Variants in ATP2B4 observed in about 807,000 individuals in gnomAD.
ATP2B4 encodes the protein ATPase plasma membrane Ca2+ transporting 4.
Under a neutral mutation model 110.3 loss-of-function variants are expected in ATP2B4, and 39 were observed. The observed-to-expected ratio is 0.35, with a 90% CI of 0.27 to 0.46. ATP2B4 has a LOEUF of 0.46. Ranked by LOEUF, ATP2B4 falls within the 20% of genes least tolerant of loss-of-function variation. The pLI is 1.00. For synonymous variants in ATP2B4, 538 were observed against 571.7 expected (o/e 0.94, Z 0.84); for missense variants, 1,135 against 1,530.9 (o/e 0.74, Z 4.32).
At chr1:203,635,467 A>G (rs1663410573) in intron 1 of ATP2B4, among the ~76,000 whole-genome samples, 1 of 152,018 alleles carries the variant, frequency 6.6e-6, no homozygotes, top group South Asian at 2.1e-4. Context: ...GTTTTTTTGT[A>G]GAGATGGATG....
intron 1 of ATP2B4, among the ~76,000 whole-genome samples, chr1:203,655,987 C>T (rs1664149815): frequency 6.6e-6 from 1 of 151,976 alleles, no homozygotes; most frequent in South Asian, 2.1e-4. Context: ...TCACTGCAAC[C>T]TTCGCCTCCT....
Position 203,700,828 on chromosome 1 carries a change from T to C in ATP2B4, c.806T>C (p.Met269Thr). The C allele has an allele frequency of 1.9e-6, 3 of 1,613,586 alleles. No individual in the cohort carries two copies. The highest frequency in any genetic ancestry group is 2.5e-6 in the Non-Finnish European group (3 of 1,179,746). The change falls in exon 6 of 21, where the codon ATG (methionine) becomes ACG (threonine). Residue 269 changes from methionine (M) to threonine (T), a missense_variant. By Grantham distance (81) the Met-to-Thr change is moderately conservative. This residue lies in a region of ATP2B4 where 162 missense variants were observed against 210.5 expected (regional missense o/e 0.77). Transcript: ENST00000357681. Reference protein sequence around the residue: ...GTHVMEGSGRMVVTAVGVNSQ... With the variant: ...GTHVMEGSGRTVVTAVGVNSQ... ...CATGTCATGGAAGGTTCTGGCCGGA[T>C]GGTGGTGACAGCTGTTGGTGTCAAC...
At chr1:203,679,749 G>T (rs1468398394) in intron 1 of ATP2B4, among the ~76,000 whole-genome samples, 1 of 152,154 alleles carries the variant, frequency 6.6e-6, no homozygotes, top group African/African-American at 2.4e-5. Context: ...GGGCATGGTG[G>T]CATGCGACTG....
At chr1:203,630,367 CTCTTTTT>C (rs1426980270) in intron 1 of ATP2B4, among the ~76,000 whole-genome samples, 3 of 9,414 alleles carry the variant, frequency 3.2e-4, no homozygotes, top group Admixed American at 1.2e-3. Flanking sequence ...CTCTCTCTCT[CTCTTTTT>C]TTTTTTTTTT....
Position 203,713,255 on chromosome 1 carries a change from G to A in ATP2B4, c.2299+3G>A, listed in dbSNP as rs2102402762. The A allele has an allele frequency of 6.2e-7, 1 of 1,614,110 alleles. No homozygotes were observed. The highest frequency in any genetic ancestry group is 8.5e-7 in the Non-Finnish European group (1 of 1,179,986). On this transcript the variant is annotated splice_donor_region_variant and intron_variant, in intron 14 of 20. Coordinates refer to ENST00000357681, the MANE Select transcript of ATP2B4 (RefSeq NM_001684.5). ...TGACAAGCACACCCTGGTGAAAGGT[G>A]AGGTTGGCTTCCAAATAGGTGCCTG...
Position 203,642,621 on chromosome 1 carries a change from T to G in ATP2B4, c.-465+15402T>G, listed in dbSNP as rs761361760. On this transcript the variant is annotated intron_variant, in intron 1 of 20. Coordinates refer to ENST00000357681, the MANE Select transcript of ATP2B4 (RefSeq NM_001684.5). Reference sequence around the variant, plus strand: ...AAAGAATGCTAATTTCCACTGGGTTTTCAGCCCCGGGGGTCAGAGCTTACC... The same window carrying G: ...AAAGAATGCTAATTTCCACTGGGTTGTCAGCCCCGGGGGTCAGAGCTTACC... 1.7e-4 allele frequency among the ~76,000 whole-genome samples: 26 copies of G among 152,178 alleles called. 1 individual carries two copies. The highest frequency in any genetic ancestry group is 4.4e-5 in the Non-Finnish European group (3 of 68,032).
intron 1 of ATP2B4, among the ~76,000 whole-genome samples, chr1:203,660,093 A>G (rs1238038031): frequency 2.0e-5 from 3 of 148,004 alleles, no homozygotes; most frequent in South Asian, 2.1e-4. Context: ...AAAAAAAAAA[A>G]AAAAAAAGAA....
chr1:203,629,236 G>A lies in ATP2B4; in HGVS notation c.-465+2017G>A, dbSNP rs563926609. ...AATGAGGCCTTCCCCAGTGGGCAGGGCCCCCAAGACAGAATTAATGCCCGT... is the reference window on the plus strand; with the variant it reads ...AATGAGGCCTTCCCCAGTGGGCAGGACCCCCAAGACAGAATTAATGCCCGT... On this transcript the variant is annotated intron_variant, in intron 1 of 20. Transcript: ENST00000357681. This position sits in a 1 kb window ranked among gnomAD's most constrained non-coding sequence, Gnocchi z 4.6. Among the ~76,000 whole-genome samples, 7 of 152,262 alleles carry A rather than the reference G, an allele frequency of 4.6e-5. No individual in the cohort carries two copies. Among genetic ancestry groups the A allele is most frequent in the South Asian group, 2.1e-4 (1 of 4,824 alleles).
In ATP2B4 at chr1:203,706,243, C is replaced by T. The variant is rs780448723; in HGVS notation, c.1100-766C>T. 3.9e-5 allele frequency among the ~76,000 whole-genome samples: 6 copies of T among 152,200 alleles called. No individual in the cohort carries two copies. The South Asian group carries it at 1.2e-3, about 32-fold the overall frequency. On this transcript the variant is annotated intron_variant, in intron 8 of 20. Coordinates refer to ENST00000357681, the MANE Select transcript of ATP2B4 (RefSeq NM_001684.5). ...GGGATTTTCTCAATTTTAGCAAAGC[C>T]CCACATCCCTGGAAACTGTTCAGTA...
Position 203,741,834 on chromosome 1 carries a change from C to T in ATP2B4, c.*1980C>T, listed in dbSNP as rs566904545. On this transcript the variant is annotated 3_prime_UTR_variant, in exon 21 of 21. Coordinates refer to ENST00000357681, the MANE Select transcript of ATP2B4 (RefSeq NM_001684.5). ...ACTCATAGGGGAAAAAAACAGCTCA[C>T]CCAAGGTGTTAGGTTTCACATATAT... is the stretch of plus-strand genomic sequence containing the variant. 4 of 152,716 alleles carry T rather than the reference C, an allele frequency of 2.6e-5. No homozygotes were observed. The South Asian group carries it at 8.3e-4, about 32-fold the overall frequency. The allele number at this position is 152,716 out of a possible 1,614,324, so 9.5% of individuals were successfully genotyped here.
chr1:203,689,995 C>T (rs554446099), intron 2 of ATP2B4, among the ~76,000 whole-genome samples: 1 of 152,282 alleles, frequency 6.6e-6, no homozygotes, highest in East Asian at 1.9e-4. Flanking sequence ...CATAAGATGC[C>T]AGCATTTTTG....
Position 203,722,711 on chromosome 1 carries a change from G to A in ATP2B4, c.3024+22G>A, listed in dbSNP as rs912787594. ...CCAGGTGAGATTCTATCTGCAGTTG[G>A]GGCAGGAGATCTGGAATGATAAAGG... On this transcript the variant is annotated intron_variant, in intron 18 of 20. Coordinates refer to ENST00000357681, the MANE Select transcript of ATP2B4 (RefSeq NM_001684.5). 2.5e-6 allele frequency: 4 copies of A among 1,610,796 alleles called. No individual in the cohort carries two copies. In the African/African-American group the frequency reaches 4.0e-5, roughly 16 times the overall value.
chr1:203,673,718 C>A (rs945850931), intron 1 of ATP2B4, among the ~76,000 whole-genome samples: 8 of 152,114 alleles, frequency 5.3e-5, no homozygotes, highest in African/African-American at 1.9e-4. Context: ...TGTTTTAAGT[C>A]CTCTCCTGCT....
chr1:203,648,955 T>C (rs1026855266), intron 1 of ATP2B4, among the ~76,000 whole-genome samples: 1 of 152,200 alleles, frequency 6.6e-6, no homozygotes, highest in Non-Finnish European at 1.5e-5. Context: ...TGCAGCCTTT[T>C]CACTCTCCTT....
At chr1:203,696,992 C>T (rs556796013) in intron 2 of ATP2B4, among the ~76,000 whole-genome samples, 25 of 152,230 alleles carry the variant, frequency 1.6e-4, no homozygotes, top group Middle Eastern at 3.4e-3. Flanking sequence ...TCAAGTACTG[C>T]GTGGCATCTG....
At chr1:203,677,314 A>G (rs572071614) in intron 1 of ATP2B4, among the ~76,000 whole-genome samples, 2 of 152,318 alleles carry the variant, frequency 1.3e-5, no homozygotes, top group Admixed American at 1.3e-4. Context: ...TAGGTGCTCA[A>G]CAAATATTTT....
chr1:203,708,057 A>C lies in ATP2B4; in HGVS notation c.1510A>C (p.Ile504Leu). ...CTTCCTGCCCAAAGTCCTGGACCTCATTGTCAATGGCATTTCTATCAACAG... is the reference window on the plus strand; with the variant it reads ...CTTCCTGCCCAAAGTCCTGGACCTCCTTGTCAATGGCATTTCTATCAACAG... The part of the protein sequence containing the change: ...DVFLPKVLDL[I>L]VNGISINSAY... Residue 504 changes from isoleucine to leucine, a missense_variant, in exon 10 of 21, where the codon ATT becomes CTT. Ile to Leu is a conservative substitution (Grantham distance 5). Coordinates refer to ENST00000357681, the MANE Select transcript of ATP2B4 (RefSeq NM_001684.5). The C allele has an allele frequency of 1.2e-6, 2 of 1,614,134 alleles. No homozygotes were observed. The highest frequency in any genetic ancestry group is 1.7e-6 in the Non-Finnish European group (2 of 1,180,026).
intron 1 of ATP2B4, among the ~76,000 whole-genome samples, chr1:203,678,426 C>CTGAA (rs1664894988): frequency 7.1e-6 from 1 of 141,694 alleles, no homozygotes; most frequent in Non-Finnish European, 1.5e-5. Context: ...GTCAGGGTCC[C>CTGAA]ACTTGGTTTG....
At chr1:203,686,675 TC>T (rs1665190609) in intron 2 of ATP2B4, among the ~76,000 whole-genome samples, 5 of 132,790 alleles carry the variant, frequency 3.8e-5, no homozygotes. Flanking sequence ...TGTTTTTCTT[TC>T]TTTTCTTTCT....
Sources: gnomAD v4.1 joint callset for allele counts (sites outside exome capture counted in the v4.1 genomes callset) on GRCh38, gnomAD v4.1.1 for gene constraint, gnomAD v4.1.1 regional missense constraint, Gnocchi (gnomAD v3.1) non-coding constraint, MANE v1.5 for transcripts, NCBI Gene and HGNC (gene_info 2026-07-23, HGNC 2026-07-21) for gene names.